BABAM2: variants seen among roughly 807,000 people sequenced by gnomAD.
BABAM2 encodes the protein BRISC and BRCA1 A complex member 2.
Under a neutral mutation model 54.7 loss-of-function variants are expected in BABAM2, and 31 were observed. The observed-to-expected ratio is 0.57, with a 90% CI of 0.43 to 0.77. The LOEUF is 0.77. Ranked by LOEUF, BABAM2 falls within the 30% of genes least tolerant of loss-of-function variation. The pLI, the probability that BABAM2 is intolerant of heterozygous loss-of-function variation, is 0.00. For missense variants in BABAM2, 364 were observed against 455.8 expected, an observed-to-expected ratio of 0.80 and a Z score of 1.83; for synonymous variants, 167 against 162.9, an observed-to-expected ratio of 1.03 and a Z score of -0.19.
chr2:28,225,397 C>T (rs1680792698), intron 7 of BABAM2, among the ~76,000 whole-genome samples: 1 of 152,158 alleles, frequency 6.6e-6, no homozygotes, highest in Non-Finnish European at 1.5e-5. Context: ...GAGGAAGCAT[C>T]AGAATCGAAA....
intron 6 of BABAM2, among the ~76,000 whole-genome samples, chr2:28,055,307 C>T (rs1031197368): frequency 3.9e-5 from 6 of 152,134 alleles, no homozygotes; most frequent in Non-Finnish European, 5.9e-5. Flanking sequence ...AACTACCTGT[C>T]AAGTACTATG....
At chr2:27,948,141 T>C (rs1421748661) in intron 3 of BABAM2, among the ~76,000 whole-genome samples, 2 of 152,248 alleles carry the variant, frequency 1.3e-5, no homozygotes, top group East Asian at 3.9e-4. Flanking sequence ...ATGTTATTAG[T>C]ATTCCATGTA....
chr2:28,288,732 T>C (rs551651264), intron 10 of BABAM2, among the ~76,000 whole-genome samples: 1 of 152,228 alleles, frequency 6.6e-6, no homozygotes, highest in Non-Finnish European at 1.5e-5. Flanking sequence ...CCAATTCTGA[T>C]TCAACTTGTA....
intron 1 of BABAM2, among the ~76,000 whole-genome samples, chr2:27,893,418 A>C (rs1432517994): frequency 6.6e-6 from 1 of 152,182 alleles, no homozygotes; most frequent in African/African-American, 2.4e-5. Flanking sequence ...TTCATAATTT[A>C]ATTGTCAAGT....
chr2:28,001,902 A>C (rs886990842), intron 4 of BABAM2, among the ~76,000 whole-genome samples: 1 of 152,140 alleles, frequency 6.6e-6, no homozygotes, highest in African/African-American at 2.4e-5. Context: ...TTAGATTTCA[A>C]CATGAGATTT....
At chr2:28,066,210 C>A (rs1052441419) in intron 6 of BABAM2, among the ~76,000 whole-genome samples, 1 of 151,010 alleles carries the variant, frequency 6.6e-6, no homozygotes, top group Non-Finnish European at 1.5e-5. Context: ...AAAAAACAGC[C>A]ACGATAATTT....
intron 6 of BABAM2, among the ~76,000 whole-genome samples, chr2:28,062,117 G>A (rs1678922902): frequency 6.6e-6 from 1 of 152,106 alleles, no homozygotes; most frequent in South Asian, 2.1e-4. Flanking sequence ...AATTAGCTGG[G>A]CATGCTGGCA....
At chr2:28,254,062 A>G (rs2148112355) in intron 10 of BABAM2, among the ~76,000 whole-genome samples, 1 of 152,368 alleles carries the variant, frequency 6.6e-6, no homozygotes, top group Non-Finnish European at 1.5e-5. Context: ...TTTGTCATAC[A>G]AAGTTCATGT....
At chr2:27,983,371 T>C (rs1672157523) in intron 3 of BABAM2, among the ~76,000 whole-genome samples, 1 of 152,162 alleles carries the variant, frequency 6.6e-6, no homozygotes, top group African/African-American at 2.4e-5. Flanking sequence ...TTCATTGCTG[T>C]AGCTTTGTAA....
At chr2:28,233,228 A>G (rs749517199) in intron 7 of BABAM2, 2 of 471,278 alleles carry the variant, frequency 4.2e-6, no homozygotes, top group Non-Finnish European at 8.8e-6. Context: ...ATCAGTGCCA[A>G]GTGGTCCCTT....
At chr2:28,078,188 A>G (rs535215600) in intron 6 of BABAM2, among the ~76,000 whole-genome samples, 2 of 152,200 alleles carry the variant, frequency 1.3e-5, no homozygotes, top group South Asian at 4.2e-4. Context: ...AGCTGTGTAC[A>G]CTGCGTGCCC....
At chr2:28,043,501 G>A (rs1049737401) in intron 5 of BABAM2, among the ~76,000 whole-genome samples, 6 of 152,132 alleles carry the variant, frequency 3.9e-5, no homozygotes, top group South Asian at 2.1e-4. Flanking sequence ...AGACTTTTCT[G>A]TCTTTCCTTC....
chr2:28,280,040 G>A (rs1166642822), intron 10 of BABAM2, among the ~76,000 whole-genome samples: 1 of 151,766 alleles, frequency 6.6e-6, no homozygotes, highest in Admixed American at 6.6e-5. Context: ...TTTGGTCCTA[G>A]TCTCATATCA....
At chr2:28,004,521 T>G (rs1481291023) in intron 4 of BABAM2, among the ~76,000 whole-genome samples, 2 of 152,134 alleles carry the variant, frequency 1.3e-5, no homozygotes, top group Non-Finnish European at 2.9e-5. Context: ...TATTATAGAA[T>G]TTTCAAAAGA....
intron 6 of BABAM2, among the ~76,000 whole-genome samples, chr2:28,099,351 C>T (rs886549125): frequency 6.6e-5 from 10 of 152,076 alleles, no homozygotes; most frequent in African/African-American, 1.4e-4. Context: ...CTGCACACCC[C>T]GAGGCCTCTT....
chr2:28,187,524 G>A (rs935821281), intron 7 of BABAM2, among the ~76,000 whole-genome samples: 1 of 152,176 alleles, frequency 6.6e-6, no homozygotes, highest in African/African-American at 2.4e-5. Flanking sequence ...TGTGCTTTGA[G>A]TCTTTCAGTG....
chr2:28,193,929 G>A (rs529242798), intron 7 of BABAM2, among the ~76,000 whole-genome samples: 4 of 152,160 alleles, frequency 2.6e-5, no homozygotes, highest in Non-Finnish European at 4.4e-5. Flanking sequence ...ACATATCTGT[G>A]GGAGGCTGTG....
chr2:27,999,256 G>A (rs1573361899), intron 4 of BABAM2, among the ~76,000 whole-genome samples: 1 of 151,930 alleles, frequency 6.6e-6, no homozygotes, highest in Admixed American at 6.6e-5. Flanking sequence ...AAAGTAGAAA[G>A]TAGTGCTTAT....
intron 2 of BABAM2, among the ~76,000 whole-genome samples, chr2:27,901,304 G>A (rs10177845): frequency 0.65 from 98,819 of 151,850 alleles, 33,922 homozygotes; most frequent in Middle Eastern, 0.79. Flanking sequence ...TCAGCATTCT[G>A]GAATGATGCC....
Sources: allele counts gnomAD v4.1 joint callset (sites outside exome capture counted in the v4.1 genomes callset), GRCh38; gene constraint gnomAD v4.1.1; transcripts MANE v1.5; gene names NCBI Gene and HGNC (gene_info 2026-07-23, HGNC 2026-07-21).